The following SCARA3 variants were observed in gnomAD, a reference collection of about 807,000 sequenced individuals.
SCARA3 encodes cellular stress response gene protein.
A neutral mutation model predicts 47.0 loss-of-function variants in SCARA3; 39 were observed. That is an observed-to-expected ratio of 0.83 (90% confidence interval 0.64 to 1.08). The LOEUF is 1.08. Ranked by LOEUF, SCARA3 falls within the 50% of genes least tolerant of loss-of-function variation. The pLI is 0.00. For missense variants in SCARA3, 724 were observed against 792.3 expected (o/e 0.91, Z 1.04); for synonymous variants, 356 against 334.1 (o/e 1.07, Z -0.71).
At chr8:27,675,918 G>A (rs1046012816), downstream of SCARA3, among the ~76,000 whole-genome samples, 3 of 152,160 alleles carry the variant, frequency 2.0e-5, no homozygotes, top group African/African-American at 2.4e-5. Context: ...GGGGAGGAAC[G>A]TGTACTTCCC....
intron 5 of SCARA3, among the ~76,000 whole-genome samples, chr8:27,662,531 C>A (rs1212136536): frequency 6.6e-6 from 1 of 152,120 alleles, no homozygotes; most frequent in Non-Finnish European, 1.5e-5. Context: ...TGTGAGTCTA[C>A]GGAGGGTAGT....
intron 1 of SCARA3, among the ~76,000 whole-genome samples, chr8:27,644,692 C>T (rs1032171051): frequency 3.3e-5 from 5 of 151,684 alleles, no homozygotes; most frequent in East Asian, 1.9e-4. Context: ...TTCCTATAAA[C>T]GGAGTCTCTC....
At chr8:27,679,302 C>A (rs1243149744), downstream of SCARA3, among the ~76,000 whole-genome samples, 1 of 151,974 alleles carries the variant, frequency 6.6e-6, no homozygotes, top group Non-Finnish European at 1.5e-5. Flanking sequence ...TTCTTAATTT[C>A]TCTAAAACAT....
At chr8:27,635,620 G>T (rs537771930) in intron 1 of SCARA3, among the ~76,000 whole-genome samples, 3 of 51,492 alleles carry the variant, frequency 5.8e-5, no homozygotes, top group Non-Finnish European at 1.9e-4. Flanking sequence ...ACCATGCATG[G>T]ATTTTTTTTT....
chr8:27,656,644 C>T (rs1375459633), intron 3 of SCARA3, 138 bp from the exon 4 acceptor site: 3 of 638,810 alleles, frequency 4.7e-6, no homozygotes, highest in East Asian at 2.7e-5. Flanking sequence ...TCTTCCCTAA[C>T]CGCCATGAAG....
chr8:27,644,105 G>A (rs1052769992), intron 1 of SCARA3, among the ~76,000 whole-genome samples: 29 of 152,166 alleles, frequency 1.9e-4, no homozygotes, highest in African/African-American at 6.5e-4. Context: ...TCCTCTTGTG[G>A]CTGTCCTTTC....
At chr8:27,714,217 A>G in the SCARA3 span, among the ~76,000 whole-genome samples, 2 of 78,146 alleles carry the variant, frequency 2.6e-5, no homozygotes, top group Non-Finnish European at 5.1e-5. Flanking sequence ...TTTTTTTGAG[A>G]TGGAGTCTTG....
chr8:27,711,449 C>T, the SCARA3 span, among the ~76,000 whole-genome samples: 770 of 152,286 alleles, frequency 5.1e-3, 4 homozygotes, highest in African/African-American at 0.017. Flanking sequence ...TCTGAACCAA[C>T]CTCAGTAGTC....
At chr8:27,660,579 A>T (rs1470122945) in intron 5 of SCARA3, among the ~76,000 whole-genome samples, 12 of 151,664 alleles carry the variant, frequency 7.9e-5, no homozygotes, top group Admixed American at 7.9e-4. Context: ...GATAGATGAT[A>T]GATAGATCCA....
At chr8:27,659,848 TAAAAAAAAAAA>T (rs1164812144) in intron 5 of SCARA3, among the ~76,000 whole-genome samples, 8 of 40,356 alleles carry the variant, frequency 2.0e-4, no homozygotes, top group East Asian at 1.1e-3. Flanking sequence ...AGTCCTTATC[TAAAAAAAAAAA>T]AAAAAAAAAA....
intron 1 of SCARA3, among the ~76,000 whole-genome samples, chr8:27,636,891 G>T (rs531440461): frequency 2.0e-4 from 30 of 152,278 alleles, no homozygotes; most frequent in African/African-American, 7.2e-4. Flanking sequence ...GGATCTGTGG[G>T]GTGTAAAGAA....
rs2246847 is a variant in SCARA3, at chr8:27,651,636, G to A, written c.226+9G>A. The A allele has an allele frequency of 0.23, 376,784 of 1,613,214 alleles. 45,905 individuals carry two copies. Among genetic ancestry groups the A allele is most frequent in the Middle Eastern group, 0.32 (1,930 of 6,052 alleles). Reference sequence around the variant, plus strand: ...TGTGTTGGCCTCTCTGGGTGAGTCCGGGGCTTTCCCACCCCGGGCTGCAGG... The same window carrying A: ...TGTGTTGGCCTCTCTGGGTGAGTCCAGGGCTTTCCCACCCCGGGCTGCAGG... On this transcript the variant is annotated intron_variant, in intron 3 of 5. Coordinates refer to ENST00000301904, the MANE Select transcript of SCARA3 (RefSeq NM_016240.3).
chr8:27,711,470 C>T, the SCARA3 span, among the ~76,000 whole-genome samples: 50,909 of 151,972 alleles, frequency 0.33, 8,751 homozygotes, highest in South Asian at 0.49. Context: ...TTCCATAGTT[C>T]CCTGGCTTTC....
At chr8:27,712,991 T>A in the SCARA3 span, among the ~76,000 whole-genome samples, 1 of 152,214 alleles carries the variant, frequency 6.6e-6, no homozygotes, top group African/African-American at 2.4e-5. Flanking sequence ...TTAGTTGTAT[T>A]TTCACCAAAC....
At chr8:27,641,967 A>G (rs1801391738) in intron 1 of SCARA3, among the ~76,000 whole-genome samples, 1 of 152,226 alleles carries the variant, frequency 6.6e-6, no homozygotes, top group Admixed American at 6.5e-5. Context: ...TAAAAGATAC[A>G]TTTATTTTTC....
the SCARA3 span, among the ~76,000 whole-genome samples, chr8:27,699,916 AT>A: frequency 6.6e-6 from 1 of 152,250 alleles, no homozygotes; most frequent in Non-Finnish European, 1.5e-5. Flanking sequence ...ATATATATCA[AT>A]TGATTTTCCC....
At chr8:27,638,314 TTGTGTGTG>T (rs55695492) in intron 1 of SCARA3, among the ~76,000 whole-genome samples, 2,336 of 146,726 alleles carry the variant, frequency 0.016, 44 homozygotes, top group Middle Eastern at 0.027. Context: ...AATTTAGTGA[TTGTGTGTG>T]TGTGTGTGTG....
chr8:27,694,665 A>G, the SCARA3 span, among the ~76,000 whole-genome samples: 2 of 152,200 alleles, frequency 1.3e-5, no homozygotes, highest in Non-Finnish European at 2.9e-5. Flanking sequence ...TACTCTGATC[A>G]GCAAGGAGCT....
In SCARA3 at chr8:27,658,591, A is replaced by G. The variant is rs374906103; in HGVS notation, c.421A>G (p.Lys141Glu). 1.2e-5 allele frequency: 19 copies of G among 1,614,068 alleles called. No homozygotes were observed. In the African/African-American group the frequency reaches 2.3e-4, roughly 19 times the overall value. ...GCAGGAGGAGCTGGAGGGAATTCAG[A>G]AGCTGCTTCTGGCCCAGGAGGTGCA... is the stretch of plus-strand genomic sequence containing the variant. ...KLQEELEGIQ[K>E]LLLAQEVQLD... The change falls in exon 5 of 6, where the codon AAG becomes GAG. Residue 141 changes from lysine (K) to glutamate (E), a missense_variant. Physicochemically the swap from Lys to Glu is moderately conservative, Grantham distance 56. Coordinates refer to ENST00000301904, the MANE Select transcript of SCARA3 (RefSeq NM_016240.3).
Sources: gnomAD v4.1 joint callset for allele counts (sites outside exome capture counted in the v4.1 genomes callset) on GRCh38, gnomAD v4.1.1 for gene constraint, MANE v1.5 for transcripts, NCBI Gene and HGNC (gene_info 2026-07-23, HGNC 2026-07-21) for gene names.